The following SERPINF2 variants were observed in gnomAD, a reference collection of about 807,000 sequenced individuals.
The protein encoded by SERPINF2 is alpha-2-antiplasmin.
A neutral mutation model predicts 45.0 loss-of-function variants in SERPINF2; 15 were observed. The ratio of observed to expected loss-of-function variants is 0.33; its 90% CI spans 0.22 to 0.51. The LOEUF (loss-of-function observed/expected upper bound fraction) is 0.51. Ranked by LOEUF, SERPINF2 falls within the 20% of genes least tolerant of loss-of-function variation. The pLI is 0.97. For missense variants in SERPINF2, 518 were observed against 637.4 expected (o/e 0.81, Z 2.02); for synonymous variants, 283 against 277.9 (o/e 1.02, Z -0.18).
At position 1,745,905 on chromosome 17, in the gene SERPINF2, A is replaced by C; in HGVS notation, c.363A>C (p.Ala121=). ...LSVALALSHL[A]LGAQNHTLQR... ...TGGCCCTGGCGCTGTCTCACCTGGCACTAGGTACCCTGGCACCACTTGTCC... is the reference window on the plus strand; with the variant it reads ...TGGCCCTGGCGCTGTCTCACCTGGCCCTAGGTACCCTGGCACCACTTGTCC... The change falls in exon 5 of 10, where the codon GCA becomes GCC. Residue 121 remains alanine, a synonymous_variant. Transcript: ENST00000453066. This position sits in a 1 kb window ranked among gnomAD's most constrained non-coding sequence, Gnocchi z 6.2. The C allele has an allele frequency of 1.2e-6, 2 of 1,613,784 alleles. No individual in the cohort carries two copies. Among genetic ancestry groups the C allele is most frequent in the Non-Finnish European group, 1.7e-6 (2 of 1,179,928 alleles).
chr17:1,750,337 C>T (rs1010463210), intron 8 of SERPINF2, among the ~76,000 whole-genome samples: 30 of 152,024 alleles, frequency 2.0e-4, no homozygotes, highest in African/African-American at 5.3e-4. Flanking sequence ...TTAGTAGAGA[C>T]GGGGTTTCAC....
intron 9 of SERPINF2, 83 bp downstream of exon 9, chr17:1,752,873 T>C: frequency 8.0e-7 from 1 of 1,249,296 alleles, no homozygotes; most frequent in Non-Finnish European, 1.1e-6. Flanking sequence ...GCAGTGGAGC[T>C]GAGTCAGAGC....
chr17:1,754,669 C>CGG lies in SERPINF2; in HGVS notation c.*135_*136insGG. ...GAGAGGCCATTCTTTCCCAACACCT[C>CGG]TTGGGGAGTTTAGGGTGGGGGGGGG... On this transcript the variant is annotated 3_prime_UTR_variant, in exon 10 of 10. Transcript: ENST00000453066. 2.8e-6 allele frequency: 1 copy of CGG among 352,772 alleles called. No homozygotes were observed. 21.9% of individuals were successfully genotyped at this position (352,772 alleles called of 1,614,324 possible).
At position 1,745,815 on chromosome 17, in the gene SERPINF2, C is replaced by T. The variant is rs190362688; in HGVS notation, c.273C>T (p.Ala91=). The T allele has an allele frequency of 7.8e-5, 126 of 1,614,070 alleles. No homozygotes were observed. Among genetic ancestry groups the T allele is most frequent in the South Asian group, 7.8e-4 (71 of 91,078 alleles). The change falls in exon 5 of 10, where the codon GCC becomes GCT. Residue 91 remains alanine, a synonymous_variant. Transcript: ENST00000453066. The surrounding 1 kb of genome is among the most constrained non-coding windows in gnomAD (Gnocchi z 6.2). ...RLARAMMAFT[A]DLFSLVAQTS... is the part of the protein sequence containing the mutation. ...CCCGGGCCATGATGGCCTTCACTGC[C>T]GACCTGTTCTCCCTGGTGGCTCAAA...
Position 1,754,460 on chromosome 17 carries a change from A to G in SERPINF2, c.1402A>G (p.Lys468Glu). The G allele has an allele frequency of 6.2e-7, 1 of 1,607,852 alleles. No homozygotes were observed. Among genetic ancestry groups the G allele is most frequent in the Non-Finnish European group, 8.5e-7 (1 of 1,176,348 alleles). ...QSLKGFPRGD[K>E]LFGPDLKLVP... The stretch of plus-strand genomic sequence containing the variant: ...CCTGAAAGGCTTCCCCCGCGGAGAC[A>G]AGCTTTTCGGCCCTGACTTAAAACT... The change falls in exon 10 of 10, where the codon AAG (lysine) becomes GAG (glutamate). Residue 468 changes from lysine to glutamate, a missense_variant. Physicochemically the swap from Lys to Glu is moderately conservative, Grantham distance 56. Transcript: ENST00000453066.
intron 5 of SERPINF2, 148 bp from the exon 6 acceptor site, chr17:1,746,871 G>C: frequency 9.2e-7 from 1 of 1,084,894 alleles, no homozygotes; most frequent in Non-Finnish European, 1.3e-6. Flanking sequence ...ACAGGGGTGA[G>C]AGCCACGCAG....
In SERPINF2 at chr17:1,748,793, G is replaced by A. The variant is rs574136299; in HGVS notation, c.858+53G>A. On this transcript the variant is annotated intron_variant, in intron 8 of 9. Transcript: ENST00000453066. ...GCCTGAGGCTGGGAGGTGGGGAAGG[G>A]AGTGGACAGGCTGTGGAGCAGGCAC... is the stretch of plus-strand genomic sequence containing the variant. 7 of 934,526 alleles carry A rather than the reference G, an allele frequency of 7.5e-6. No homozygotes were observed. The Admixed American group carries it at 1.0e-4, about 14-fold the overall frequency. 57.9% of individuals were successfully genotyped at this position (934,526 alleles called of 1,614,324 possible).
chr17:1,745,560 A>G lies in SERPINF2; in HGVS notation c.166-148A>G. On this transcript the variant is annotated intron_variant, in intron 4 of 9. Coordinates refer to ENST00000453066, the MANE Select transcript of SERPINF2 (RefSeq NM_000934.4). This position sits in a 1 kb window ranked among gnomAD's most constrained non-coding sequence, Gnocchi z 6.2. ...CCGAAGGTGGGCGCCAGGCCCCAGA[A>G]TGCCAGTGCCCTCCGTCTGACGCTC... The G allele has an allele frequency of 8.6e-7, 1 of 1,160,002 alleles. No homozygotes were observed. The highest frequency in any genetic ancestry group is 1.2e-6 in the Non-Finnish European group (1 of 802,646). 71.9% of individuals were successfully genotyped at this position (1,160,002 alleles called of 1,614,324 possible). A position where few individuals can be genotyped will look rare whatever the true frequency, so the allele number is the denominator to read the frequency against.
chr17:1,752,257 T>C (rs577784810), intron 8 of SERPINF2, among the ~76,000 whole-genome samples: 6 of 152,132 alleles, frequency 3.9e-5, no homozygotes, highest in Non-Finnish European at 7.4e-5. Context: ...GGTTTTGCCA[T>C]GTTGGTCAGG....
chr17:1,754,136 T>C lies in SERPINF2; in HGVS notation c.1078T>C (p.Phe360Leu). 2 of 1,606,778 alleles carry C rather than the reference T, an allele frequency of 1.2e-6. No homozygotes were observed. The highest frequency in any genetic ancestry group is 1.7e-6 in the Non-Finnish European group (2 of 1,179,988). ...GCCCTGGGCAGGCCTGCAGGAGTTG[T>C]TCCAGGCCCCAGACCTGCGTGGGAT... ...TLSQLGLQEL[F>L]QAPDLRGISE... Residue 360 changes from phenylalanine (F) to leucine (L), a missense_variant, in exon 10 of 10, where the codon TTC becomes CTC. Phe to Leu is a conservative substitution (Grantham distance 22, BLOSUM62 0). Coordinates refer to ENST00000453066, the MANE Select transcript of SERPINF2 (RefSeq NM_000934.4).
rs779797130 is a variant in SERPINF2, at chr17:1,745,045, G to T, written c.50G>T (p.Gly17Val). 6 of 1,613,356 alleles carry T rather than the reference G, an allele frequency of 3.7e-6. No individual in the cohort carries two copies. The highest frequency in any genetic ancestry group is 2.2e-5 in the East Asian group (1 of 44,868). Residue 17 changes from glycine to valine, a missense_variant, in exon 2 of 10, where the codon GGC becomes GTC. Gly to Val is a moderately radical substitution (Grantham distance 109). Around this residue, in one of 2 missense-constraint regions of SERPINF2, gnomAD observed 435 missense variants for 577.3 expected, o/e 0.75. Coordinates refer to ENST00000453066, the MANE Select transcript of SERPINF2 (RefSeq NM_000934.4). The surrounding 1 kb of genome is among the most constrained non-coding windows in gnomAD (Gnocchi z 6.2). ...LLVLSWSCLQ[G>V]PCSVFSPVSA... is the part of the protein sequence containing the mutation. Reference sequence around the variant, plus strand: ...GTGCTCAGCTGGTCCTGCCTGCAAGGCCCCTGCTCCGTGGTGAGGCTGGGC... The same window carrying T: ...GTGCTCAGCTGGTCCTGCCTGCAAGTCCCCTGCTCCGTGGTGAGGCTGGGC...
intron 1 of SERPINF2, among the ~76,000 whole-genome samples, chr17:1,743,677 T>C (rs1325813922): frequency 2.9e-5 from 4 of 137,006 alleles, no homozygotes; most frequent in Non-Finnish European, 6.1e-5. Context: ...ATCGTGCCAT[T>C]GCACTCCAGC....
In SERPINF2 at chr17:1,752,790, G is replaced by A; in HGVS notation, c.1063G>A (p.Gly355Ser). ...CCTGGTGGCCACCCTCAGCCAGCTG[G>A]GTAAGGAGGAGGGTGCGGGCGAGCC... Reference protein sequence around the residue: ...MDLVATLSQLGLQELFQAPDL... With the variant: ...MDLVATLSQLSLQELFQAPDL... The change falls in exon 9 of 10, where the codon GGC becomes AGC. Residue 355 changes from glycine to serine, a missense_variant and splice_region_variant. Physicochemically the swap from Gly to Ser is moderately conservative, Grantham distance 56. This residue lies in a region of SERPINF2 where 435 missense variants were observed against 577.3 expected (regional missense o/e 0.75). Transcript: ENST00000453066. 1 of 1,606,926 alleles carries A rather than the reference G, an allele frequency of 6.2e-7. No homozygotes were observed. The highest frequency in any genetic ancestry group is 8.5e-7 in the Non-Finnish European group (1 of 1,176,920).
chr17:1,744,624 C>T, intron 1 of SERPINF2: 4 of 985,438 alleles, frequency 4.1e-6, no homozygotes, highest in Non-Finnish European at 4.8e-6. Context: ...ACGGGAAATG[C>T]CGAGGTCCTT....
intron 7 of SERPINF2, 115 bp downstream of exon 7, chr17:1,747,627 C>T (rs889916484): frequency 9.4e-6 from 11 of 1,164,394 alleles, no homozygotes; most frequent in South Asian, 1.3e-5. Context: ...CGCAGTGGCG[C>T]GATCTCGGCT....
Position 1,745,130 on chromosome 17 carries a change from G to A in SERPINF2, c.64-45G>A, listed in dbSNP as rs1905676142. 2 of 1,596,152 alleles carry A rather than the reference G, an allele frequency of 1.3e-6. No individual in the cohort carries two copies. Among genetic ancestry groups the A allele is most frequent in the Admixed American group, 3.5e-5 (2 of 56,990 alleles). ...AGAGGGGCGTTGGCATGGAGGGAGG[G>A]CTTGGCTCCGAGGGGACCTCCTATC... is the stretch of plus-strand genomic sequence containing the variant. On this transcript the variant is annotated intron_variant, in intron 2 of 9. Transcript: ENST00000453066. This position sits in a 1 kb window ranked among gnomAD's most constrained non-coding sequence, Gnocchi z 6.2.
chr17:1,745,498 G>C lies in SERPINF2; in HGVS notation c.165+103G>C, dbSNP rs1421365086. The C allele has an allele frequency of 7.2e-7, 1 of 1,398,282 alleles. No individual in the cohort carries two copies. Among genetic ancestry groups the C allele is most frequent in the African/African-American group, 1.4e-5 (1 of 70,716 alleles). 86.6% of individuals were successfully genotyped at this position (1,398,282 alleles called of 1,614,324 possible). On this transcript the variant is annotated intron_variant, in intron 4 of 9. Coordinates refer to ENST00000453066, the MANE Select transcript of SERPINF2 (RefSeq NM_000934.4). The surrounding 1 kb of genome is among the most constrained non-coding windows in gnomAD (Gnocchi z 6.2). The stretch of plus-strand genomic sequence containing the variant: ...GGCGCGTGCTGAGGCTGAGGCTCTG[G>C]AGTCCAGAGGCCAGAAGGGAGAGAG...
intron 9 of SERPINF2, 26 bp downstream of exon 9, chr17:1,752,816 C>T (rs781346739): frequency 2.5e-5 from 40 of 1,578,554 alleles, no homozygotes; most frequent in Non-Finnish European, 3.2e-5. Flanking sequence ...CGGGCGAGCC[C>T]CCGAGGTCAG....
chr17:1,748,693 C>T lies in SERPINF2; in HGVS notation c.811C>T (p.Arg271Cys), dbSNP rs138344486. Residue 271 changes from arginine to cysteine, a missense_variant, in exon 8 of 10, where the codon CGC (arginine) becomes TGC (cysteine). Physicochemically the swap from Arg to Cys is radical, Grantham distance 180 (BLOSUM62 -3). This residue lies in a region of SERPINF2 where 435 missense variants were observed against 577.3 expected (regional missense o/e 0.75). Transcript: ENST00000453066. ...GGTGCCCGTGGAAATGATGCAGGCC[C>T]GCACGTACCCGCTGCGCTGGTTCTT... ...FTVPVEMMQARTYPLRWFLLE... is the reference protein window; with the variant it reads ...FTVPVEMMQACTYPLRWFLLE... 6.4e-6 allele frequency: 10 copies of T among 1,574,482 alleles called. No homozygotes were observed. Among genetic ancestry groups the T allele is most frequent in the African/African-American group, 2.7e-5 (2 of 74,266 alleles).
Sources: gnomAD v4.1 joint callset for allele counts (sites outside exome capture counted in the v4.1 genomes callset) on GRCh38, gnomAD v4.1.1 for gene constraint, gnomAD v4.1.1 regional missense constraint, Gnocchi (gnomAD v3.1) non-coding constraint, MANE v1.5 for transcripts, NCBI Gene and HGNC (gene_info 2026-07-23, HGNC 2026-07-21) for gene names.